Variants in ZNF83 observed in about 807,000 individuals in gnomAD.
The protein encoded by ZNF83 is zinc finger protein 83, also known as zinc finger protein 816B.
For missense variants in ZNF83, 552 were observed against 629.9 expected (o/e 0.88, Z 1.32); for synonymous variants, 209 against 213.0 (o/e 0.98, Z 0.17).
chr19:52,624,009 C>T (rs2060643733), intron 2 of ZNF83, among the ~76,000 whole-genome samples: 1 of 152,168 alleles, frequency 6.6e-6, no homozygotes, highest in African/African-American at 2.4e-5. Context: ...TTCCCCTGCA[C>T]CCCTCATCCC....
chr19:52,619,186 G>A, intron 2 of ZNF83: 2 of 1,603,830 alleles, frequency 1.2e-6, no homozygotes, highest in Admixed American at 3.4e-5. Flanking sequence ...CTGAGTAAGG[G>A]ATTTTTCACC....
intron 1 of ZNF83, among the ~76,000 whole-genome samples, chr19:52,679,342 G>A (rs1380409721): frequency 6.6e-6 from 1 of 152,190 alleles, no homozygotes; most frequent in African/African-American, 2.4e-5. Context: ...CAGGCATGGT[G>A]GCTCATGCCT....
exon 3 of ZNF83, chr19:52,613,848 G>C: frequency 6.2e-7 from 1 of 1,614,130 alleles, no homozygotes; most frequent in Non-Finnish European, 8.5e-7. Context: ...TGAACACCTT[G>C]CCACATTTGT....
At chr19:52,673,768 T>G (rs547277733) in intron 1 of ZNF83, among the ~76,000 whole-genome samples, 2 of 150,226 alleles carry the variant, frequency 1.3e-5, no homozygotes, top group South Asian at 4.2e-4. Context: ...GAGCAGTGGC[T>G]CTTTGGGAGG....
Position 52,635,076 on chromosome 19 carries a change from A to G in ZNF83, c.-244T>C, listed in dbSNP as rs547534250. ...AGAATATCATCTCACCTGAGGAAGA[A>G]CCATTCCTGACGCCTTTGCTTTCCT... On this transcript the variant is annotated 5_prime_UTR_variant, in exon 2 of 3. Coordinates refer to ENST00000301096, the Ensembl canonical transcript of ZNF83. 27 of 726,066 alleles carry G rather than the reference A, an allele frequency of 3.7e-5. 2 individuals are homozygous for G. Among genetic ancestry groups the G allele is most frequent in the African/African-American group, 3.0e-4 (17 of 57,320 alleles). The allele number at this position is 726,066 out of a possible 1,614,324, so 45.0% of individuals were successfully genotyped here.
At chr19:52,621,637 A>G (rs965008131) in intron 2 of ZNF83, among the ~76,000 whole-genome samples, 5 of 152,086 alleles carry the variant, frequency 3.3e-5, no homozygotes, top group African/African-American at 9.7e-5. Flanking sequence ...CGTTTTTACT[A>G]TGGGCAACCA....
chr19:52,660,898 C>T (rs2061571056), intron 1 of ZNF83: 1 of 153,614 alleles, frequency 6.5e-6, no homozygotes, highest in Admixed American at 6.6e-5. Context: ...TGGAGTCCAG[C>T]TCTGTCACCA....
chr19:52,667,603 G>T (rs2061672256), intron 1 of ZNF83, among the ~76,000 whole-genome samples: 1 of 152,156 alleles, frequency 6.6e-6, no homozygotes, highest in Non-Finnish European at 1.5e-5. Flanking sequence ...AAAGGTTTAA[G>T]CAAGTTTCAA....
intron 1 of ZNF83, among the ~76,000 whole-genome samples, chr19:52,678,099 G>C (rs1488431141): frequency 2.0e-5 from 3 of 151,788 alleles, no homozygotes; most frequent in Non-Finnish European, 4.4e-5. Flanking sequence ...CTACATGTGT[G>C]ATTGGTCAAA....
intron 1 of ZNF83, among the ~76,000 whole-genome samples, chr19:52,680,747 G>C (rs1461045296): frequency 2.1e-5 from 3 of 142,694 alleles, no homozygotes; most frequent in Non-Finnish European, 3.0e-5. Flanking sequence ...CGAGTAACTG[G>C]GACTACAGGC....
intron 2 of ZNF83, among the ~76,000 whole-genome samples, chr19:52,624,564 C>A (rs959104804): frequency 1.3e-5 from 2 of 152,216 alleles, no homozygotes; most frequent in Non-Finnish European, 2.9e-5. Context: ...CTTTCCGTTC[C>A]TTGAAGACAG....
chr19:52,627,100 C>A (rs1426802277), intron 2 of ZNF83, among the ~76,000 whole-genome samples: 1 of 152,164 alleles, frequency 6.6e-6, no homozygotes, highest in Non-Finnish European at 1.5e-5. Context: ...GATCTCCCCA[C>A]AATGCACCTT....
intron 1 of ZNF83, among the ~76,000 whole-genome samples, chr19:52,686,555 C>T (rs915189294): frequency 1.3e-5 from 2 of 150,892 alleles, no homozygotes; most frequent in African/African-American, 4.9e-5. Flanking sequence ...CTTTTGATAC[C>T]CCTTTTATTT....
At chr19:52,612,926 T>C (rs1407586073) in exon 3 of ZNF83, 1 of 1,146,958 alleles carries the variant, frequency 8.7e-7, no homozygotes, top group South Asian at 1.6e-5. Context: ...AAGGCTCTGC[T>C]ACATTCATTA....
At chr19:52,687,616 G>GGAAATTT (rs2062061848) in intron 1 of ZNF83, among the ~76,000 whole-genome samples, 1 of 15,822 alleles carries the variant, frequency 6.3e-5, no homozygotes, top group Admixed American at 6.9e-4. Context: ...TATATAATGT[G>GGAAATTT]TATATATATA....
rs541820664 is a variant in ZNF83, at chr19:52,669,731, T to C, written c.-282-8888A>G. The stretch of plus-strand genomic sequence containing the variant: ...GATGGAAAAGAATAGTAGCCTCAAT[T>C]CTTACTTCCCTCACAGCCGTAATGG... On this transcript the variant is annotated intron_variant, in intron 1 of 5. Transcript: ENST00000594682. Among the ~76,000 whole-genome samples, 30 of 152,264 alleles carry C rather than the reference T, an allele frequency of 2.0e-4. No individual in the cohort carries two copies. In the East Asian group the frequency reaches 5.6e-3, roughly 28 times the overall value.
chr19:52,630,390 T>C (rs969529196), intron 2 of ZNF83, among the ~76,000 whole-genome samples: 6 of 152,164 alleles, frequency 3.9e-5, no homozygotes, highest in Non-Finnish European at 8.8e-5. Flanking sequence ...AAGGGCCTGT[T>C]TCTCTTGCCT....
rs1309936408 is a variant in ZNF83 at position 52,631,185 on chromosome 19, T to G, written c.-234+3881A>C. Among the ~76,000 whole-genome samples the G allele has an allele frequency of 4.7e-5, 7 of 150,176 alleles. No homozygotes were observed. The Admixed American group carries it at 4.7e-4, about 10-fold the overall frequency. On this transcript the variant is annotated intron_variant, in intron 2 of 2. Transcript: ENST00000301096. ...TTACTTCAGTCAAGCCCAAATTTCT[T>G]CCTCATCTGTTACCTATCTCAGCAT...
chr19:52,674,801 C>G (rs2061776332), intron 1 of ZNF83, among the ~76,000 whole-genome samples: 1 of 152,138 alleles, frequency 6.6e-6, no homozygotes, highest in African/African-American at 2.4e-5. Context: ...GATTGGAAAA[C>G]TTAATCTCGT....
Sources: allele counts gnomAD v4.1 joint callset (sites outside exome capture counted in the v4.1 genomes callset), GRCh38; gene constraint gnomAD v4.1.1; transcripts MANE v1.5; gene names NCBI Gene and HGNC (gene_info 2026-07-23, HGNC 2026-07-21).